Variants in PPFIA2 observed in about 807,000 individuals in gnomAD.
PPFIA2 encodes liprin-alpha-2.
Under a neutral mutation model 175.5 loss-of-function variants are expected in PPFIA2, and 46 were observed. The ratio of observed to expected loss-of-function variants is 0.26; its 90% CI spans 0.21 to 0.34. PPFIA2 has a LOEUF of 0.34. Ranked by LOEUF, PPFIA2 falls within the 10% of genes least tolerant of loss-of-function variation. The probability of loss-of-function intolerance (pLI) is 1.00; values close to 1 mark genes in which losing one functional copy is unlikely to be tolerated. For missense variants in PPFIA2, 1,179 were observed against 1,506.1 expected (o/e 0.78, Z 3.60); for synonymous variants, 568 against 511.4 (o/e 1.11, Z -1.49).
chr12:81,532,524 A>G (rs945612358), intron 4 of PPFIA2, among the ~76,000 whole-genome samples: 4 of 151,784 alleles, frequency 2.6e-5, no homozygotes, highest in Non-Finnish European at 5.9e-5. Flanking sequence ...ATTGCTCGCA[A>G]ACAAAAGGCT....
At chr12:81,640,063 C>T (rs1034018136) in intron 4 of PPFIA2, among the ~76,000 whole-genome samples, 6 of 152,018 alleles carry the variant, frequency 3.9e-5, no homozygotes, top group African/African-American at 1.5e-4. Context: ...TTTCGGAAAA[C>T]TTAGCTGTAT....
rs144113361 is a variant in PPFIA2, at chr12:81,333,365, A to T, written c.2548+5815T>A. On this transcript the variant is annotated intron_variant, in intron 21 of 32. Coordinates refer to ENST00000549396, the MANE Select transcript of PPFIA2 (RefSeq NM_003625.5). ...GTGATCAGCTACTTGGTAGTTCAGC[A>T]AAGGGAATAAACACACCATTCACTT... is the stretch of plus-strand genomic sequence containing the variant. Among the ~76,000 whole-genome samples, 5 of 152,316 alleles carry T rather than the reference A, an allele frequency of 3.3e-5. No individual in the cohort carries two copies. The East Asian group carries it at 9.7e-4, about 29-fold the overall frequency.
chr12:81,757,996 C>T (rs1412099635), intron 2 of PPFIA2, among the ~76,000 whole-genome samples: 1 of 152,168 alleles, frequency 6.6e-6, no homozygotes, highest in Non-Finnish European at 1.5e-5. Context: ...TATTCTCCCT[C>T]CTATTTAACT....
chr12:81,567,344 C>T (rs576321020), intron 4 of PPFIA2, among the ~76,000 whole-genome samples: 14 of 152,246 alleles, frequency 9.2e-5, no homozygotes, highest in African/African-American at 2.9e-4. Flanking sequence ...CCACTGCGCC[C>T]GGCCAGGAGA....
chr12:81,363,458 T>C (rs1033629618), intron 14 of PPFIA2, among the ~76,000 whole-genome samples: 1 of 151,588 alleles, frequency 6.6e-6, no homozygotes, highest in Admixed American at 6.6e-5. Context: ...TTTATGAAGA[T>C]AGGGGTTGTC....
intron 14 of PPFIA2, 21 bp downstream of exon 14, chr12:81,367,087 A>G (rs2033710250): frequency 6.8e-7 from 1 of 1,462,082 alleles, no homozygotes; most frequent in Admixed American, 2.7e-5. Flanking sequence ...AATGGGCCCA[A>G]AACATAAGTT....
At position 81,409,097 on chromosome 12, in the gene PPFIA2, C is replaced by A. The variant is rs1055933019; in HGVS notation, c.646-3194G>T. 5.3e-5 allele frequency among the ~76,000 whole-genome samples: 8 copies of A among 152,118 alleles called. No homozygotes were observed. The South Asian group carries it at 1.2e-3, about 24-fold the overall frequency. On this transcript the variant is annotated intron_variant, in intron 7 of 32. Coordinates refer to ENST00000549396, the MANE Select transcript of PPFIA2 (RefSeq NM_003625.5). ...GTAGCACAGACTTCTTTAGGAAATTCTCTTAGCTGGTTTGAGAAGTGAACA... is the reference window on the plus strand; with the variant it reads ...GTAGCACAGACTTCTTTAGGAAATTATCTTAGCTGGTTTGAGAAGTGAACA...
chr12:81,665,287 A>G (rs2153555870), intron 4 of PPFIA2, among the ~76,000 whole-genome samples: 1 of 152,230 alleles, frequency 6.6e-6, no homozygotes, highest in South Asian at 2.1e-4. Flanking sequence ...AATTTGACAG[A>G]TACAGCAAAA....
At chr12:81,320,584 GA>G (rs1249260598) in intron 22 of PPFIA2, among the ~76,000 whole-genome samples, 1 of 151,858 alleles carries the variant, frequency 6.6e-6, no homozygotes, top group African/African-American at 2.4e-5. Flanking sequence ...ACATTCGTAT[GA>G]TATCTTTCAA....
chr12:81,709,715 C>T (rs901422413), intron 3 of PPFIA2, among the ~76,000 whole-genome samples: 1 of 152,070 alleles, frequency 6.6e-6, no homozygotes, highest in Non-Finnish European at 1.5e-5. Context: ...TTTCAGTACA[C>T]TAGATTATCA....
At chr12:81,449,488 CAAA>C (rs552912790) in intron 5 of PPFIA2, among the ~76,000 whole-genome samples, 1 of 93,286 alleles carries the variant, frequency 1.1e-5, no homozygotes. Context: ...TTACTTCAGA[CAAA>C]AAAAAAAAAA....
intron 4 of PPFIA2, among the ~76,000 whole-genome samples, chr12:81,580,929 G>C (rs1241306948): frequency 6.6e-6 from 1 of 151,906 alleles, no homozygotes; most frequent in South Asian, 2.1e-4. Context: ...AATTAAATCA[G>C]ATATGTGGTA....
At chr12:81,477,359 CAG>C (rs2057610354) in intron 4 of PPFIA2, among the ~76,000 whole-genome samples, 1 of 152,090 alleles carries the variant, frequency 6.6e-6, no homozygotes, top group African/African-American at 2.4e-5. Context: ...GTTCCTTTGA[CAG>C]AGAATGATTA....
At chr12:81,585,291 A>T (rs1230925388) in intron 4 of PPFIA2, among the ~76,000 whole-genome samples, 3 of 150,530 alleles carry the variant, frequency 2.0e-5, no homozygotes, top group Non-Finnish European at 4.4e-5. Context: ...GGCTACACTA[A>T]ATTTACAAAA....
chr12:81,615,350 A>G (rs2061340885), intron 4 of PPFIA2, among the ~76,000 whole-genome samples: 1 of 152,220 alleles, frequency 6.6e-6, no homozygotes, highest in Non-Finnish European at 1.5e-5. Context: ...GAGATGTCAC[A>G]TAGCCAGGTG....
At chr12:81,612,772 T>C (rs1194268745) in intron 4 of PPFIA2, among the ~76,000 whole-genome samples, 1 of 152,232 alleles carries the variant, frequency 6.6e-6, no homozygotes, top group African/African-American at 2.4e-5. Flanking sequence ...TGTATATGAA[T>C]GTACATAGAT....
At chr12:81,509,539 T>C (rs1383138239) in intron 4 of PPFIA2, among the ~76,000 whole-genome samples, 1 of 152,062 alleles carries the variant, frequency 6.6e-6, no homozygotes, top group African/African-American at 2.4e-5. Flanking sequence ...TCTTCACCCA[T>C]ATTTTCTTGC....
chr12:81,548,470 A>C (rs2067335675), intron 4 of PPFIA2, among the ~76,000 whole-genome samples: 1 of 152,138 alleles, frequency 6.6e-6, no homozygotes, highest in Admixed American at 6.6e-5. Context: ...GAGAATAATA[A>C]AGTTTGATAT....
intron 4 of PPFIA2, among the ~76,000 whole-genome samples, chr12:81,541,800 A>C (rs2066257718): frequency 1.3e-5 from 2 of 152,118 alleles, no homozygotes; most frequent in African/African-American, 4.8e-5. Context: ...CAAGTGAACA[A>C]TTCTGAAACC....
Sources: gnomAD v4.1 joint callset for allele counts (sites outside exome capture counted in the v4.1 genomes callset) on GRCh38, gnomAD v4.1.1 for gene constraint, MANE v1.5 for transcripts, NCBI Gene and HGNC (gene_info 2026-07-23, HGNC 2026-07-21) for gene names.